PRKN: variants seen among roughly 807,000 people sequenced by gnomAD.
The protein encoded by PRKN is parkin RBR E3 ubiquitin protein ligase, also known as E3 ubiquitin-protein ligase parkin.
PRKN carries 56 observed loss-of-function variants against 59.5 expected under a neutral mutation model. That is an observed-to-expected ratio of 0.94 (90% confidence interval 0.76 to 1.18). The LOEUF (loss-of-function observed/expected upper bound fraction) is 1.18. Among genes scored for constraint, PRKN ranks in the 50% most tolerant of loss-of-function variants. PRKN has a pLI of 0.00. For synonymous variants in PRKN, 250 were observed against 222.1 expected, an observed-to-expected ratio of 1.13 and a Z score of -1.12; for missense variants, 657 against 596.4, an observed-to-expected ratio of 1.10 and a Z score of -1.06.
intron 2 of PRKN, among the ~76,000 whole-genome samples, chr6:162,336,002 T>A (rs533407847): frequency 1.3e-5 from 2 of 151,558 alleles, no homozygotes; most frequent in Admixed American, 6.6e-5. Context: ...CTCTGAGCAG[T>A]GCGGCCCATC....
chr6:162,492,410 C>G (rs954417294), intron 1 of PRKN, among the ~76,000 whole-genome samples: 5 of 152,194 alleles, frequency 3.3e-5, no homozygotes, highest in African/African-American at 1.2e-4. Context: ...CTGAGAGCCA[C>G]CTCTCTTGTC....
intron 1 of PRKN, among the ~76,000 whole-genome samples, chr6:162,672,433 T>C (rs1779359345): frequency 1.3e-5 from 2 of 152,090 alleles, no homozygotes; most frequent in Non-Finnish European, 2.9e-5. Context: ...AAATGAACAC[T>C]AGGATTGGGA....
chr6:162,398,653 G>C (rs1162349102), intron 2 of PRKN, among the ~76,000 whole-genome samples: 1 of 152,142 alleles, frequency 6.6e-6, no homozygotes, highest in Non-Finnish European at 1.5e-5. Flanking sequence ...GCCTCCCAAA[G>C]TGCTGGGATT....
rs1402565298 is a variant in PRKN at position 161,566,750 on chromosome 6, T to C, written c.933+2605A>G. Among the ~76,000 whole-genome samples, 1 of 152,046 alleles carries C rather than the reference T, an allele frequency of 6.6e-6. No individual in the cohort carries two copies. Among genetic ancestry groups the C allele is most frequent in the East Asian group, 1.9e-4 (1 of 5,172 alleles). ...GCAACCCTATCTCATGCAATGTGGC[T>C]CCTTCCTCTTTGTTTTGCTCTGTCC... On this transcript the variant is annotated intron_variant, in intron 8 of 11. Coordinates refer to ENST00000366898, the MANE Select transcript of PRKN (RefSeq NM_004562.3). This position sits in a 1 kb window ranked among gnomAD's most constrained non-coding sequence, Gnocchi z 4.1.
chr6:162,680,151 A>C (rs991350203), intron 1 of PRKN, among the ~76,000 whole-genome samples: 5 of 151,540 alleles, frequency 3.3e-5, no homozygotes, highest in Admixed American at 2.0e-4. Context: ...ATACATATAC[A>C]CTTAATATAT....
chr6:162,324,853 G>T (rs1000125059), intron 2 of PRKN, among the ~76,000 whole-genome samples: 9 of 152,008 alleles, frequency 5.9e-5, no homozygotes, highest in African/African-American at 2.2e-4. Context: ...TGACAAAAAT[G>T]TCTCACATGA....
chr6:162,554,931 T>C (rs944089166), intron 1 of PRKN, among the ~76,000 whole-genome samples: 1 of 152,164 alleles, frequency 6.6e-6, no homozygotes, highest in African/African-American at 2.4e-5. Context: ...TTTGGGGGGC[T>C]TTATAGAAAG....
intron 9 of PRKN, among the ~76,000 whole-genome samples, chr6:161,434,266 C>T (rs1327677050): frequency 6.6e-6 from 1 of 152,136 alleles, no homozygotes; most frequent in East Asian, 1.9e-4. Flanking sequence ...TGGAAGAGTT[C>T]AACATTGCCA....
rs551559816 is a variant in PRKN, at chr6:162,171,583, T to C, written c.534+29548A>G. On this transcript the variant is annotated intron_variant, in intron 4 of 11. Coordinates refer to ENST00000366898, the MANE Select transcript of PRKN (RefSeq NM_004562.3). ...GCTGAGAAAGGTCTGTGGTGTTCAG[T>C]AAAAAATCAGGGTCTTTTAGTTTCT... 2.2e-4 allele frequency among the ~76,000 whole-genome samples: 34 copies of C among 152,202 alleles called. No individual in the cohort carries two copies. The South Asian group carries it at 2.3e-3, about 10-fold the overall frequency.
intron 5 of PRKN, among the ~76,000 whole-genome samples, chr6:162,009,209 C>T (rs9355973): frequency 0.48 from 72,472 of 151,416 alleles, 17,769 homozygotes; most frequent in East Asian, 0.6. Context: ...GCTGAGATCA[C>T]GCCACTGCAC....
Position 161,412,955 on chromosome 6 carries a change from C to T in PRKN, c.1084-26078G>A, listed in dbSNP as rs113416384. ...GAGCTTATTAAGCAGCAGCTATGCA[C>T]GTGTCCCTGTGGCCTGTGCTGGAGA... On this transcript the variant is annotated intron_variant, in intron 9 of 11. Transcript: ENST00000366898. 2.4e-3 allele frequency among the ~76,000 whole-genome samples: 369 copies of T among 152,338 alleles called. 3 individuals are homozygous for T. The highest frequency in any genetic ancestry group is 8.5e-3 in the African/African-American group (355 of 41,554).
chr6:161,969,266 TTG>T (rs1554255933), intron 6 of PRKN, among the ~76,000 whole-genome samples: 1 of 135,614 alleles, frequency 7.4e-6, no homozygotes, highest in African/African-American at 2.7e-5. Context: ...TCAGTCTTAT[TTG>T]TTTTTTTTTT....
In PRKN at chr6:161,463,858, C is replaced by T. The variant is rs1790324644; in HGVS notation, c.1084-76981G>A. Among the ~76,000 whole-genome samples, 1 of 152,168 alleles carries T rather than the reference C, an allele frequency of 6.6e-6. No homozygotes were observed. Among genetic ancestry groups the T allele is most frequent in the African/African-American group, 2.4e-5 (1 of 41,432 alleles). On this transcript the variant is annotated intron_variant, in intron 9 of 11. Transcript: ENST00000366898. This position sits in a 1 kb window ranked among gnomAD's most constrained non-coding sequence, Gnocchi z 4.8. ...AAATCCAAGCCCTGCAACTATCCCA[C>T]AATATTATAGTATTATTCACTTATA...
At chr6:161,523,456 T>C (rs1778910700) in intron 9 of PRKN, among the ~76,000 whole-genome samples, 2 of 152,198 alleles carry the variant, frequency 1.3e-5, no homozygotes, top group South Asian at 4.1e-4. Flanking sequence ...AGTGACACAG[T>C]AGATTCACAC....
At chr6:162,446,584 T>C (rs1290290800) in intron 1 of PRKN, among the ~76,000 whole-genome samples, 1 of 152,204 alleles carries the variant, frequency 6.6e-6, no homozygotes, top group Non-Finnish European at 1.5e-5. Flanking sequence ...ACTACGGATA[T>C]GAATATTTTT....
chr6:162,653,189 AAC>A (rs1472138946), intron 1 of PRKN, among the ~76,000 whole-genome samples: 1 of 152,246 alleles, frequency 6.6e-6, no homozygotes, highest in Non-Finnish European at 1.5e-5. Context: ...AGGATATACA[AAC>A]AGTTTAATGA....
chr6:162,569,029 C>A, intron 1 of PRKN: 1 of 697,896 alleles, frequency 1.4e-6, no homozygotes, highest in Non-Finnish European at 2.6e-6. Flanking sequence ...TCCCAGATCT[C>A]GGACACATCT....
chr6:162,327,091 C>T (rs1182994243), intron 2 of PRKN, among the ~76,000 whole-genome samples: 2 of 152,252 alleles, frequency 1.3e-5, no homozygotes, highest in Middle Eastern at 3.4e-3. Flanking sequence ...TTAAACAATG[C>T]TCATCTAACA....
intron 1 of PRKN, among the ~76,000 whole-genome samples, chr6:162,508,848 T>C (rs1451352700): frequency 2.0e-5 from 3 of 151,116 alleles, no homozygotes; most frequent in African/African-American, 7.4e-5. Context: ...CAAGACCCTG[T>C]CTCAAAAAAC....
Sources: gnomAD v4.1 joint callset for allele counts (sites outside exome capture counted in the v4.1 genomes callset) on GRCh38, gnomAD v4.1.1 for gene constraint, Gnocchi (gnomAD v3.1) non-coding constraint, MANE v1.5 for transcripts, NCBI Gene and HGNC (gene_info 2026-07-23, HGNC 2026-07-21) for gene names.